Variants in DLG2 observed in about 807,000 individuals in gnomAD.
DLG2 encodes disks large homolog 2.
A neutral mutation model predicts 132.5 loss-of-function variants in DLG2; 45 were observed. That is an observed-to-expected ratio of 0.34 (90% CI 0.27 to 0.44). DLG2 has a LOEUF of 0.44. Ranked by LOEUF, DLG2 falls within the 20% of genes least tolerant of loss-of-function variation. DLG2 has a pLI of 1.00. For synonymous variants in DLG2, 424 were observed against 419.6 expected (o/e 1.01, Z -0.13); for missense variants, 1,045 against 1,196.9 (o/e 0.87, Z 1.87).
At chr11:83,506,002 G>A (rs1178550253) in intron 21 of DLG2, among the ~76,000 whole-genome samples, 1 of 152,090 alleles carries the variant, frequency 6.6e-6, no homozygotes, top group Non-Finnish European at 1.5e-5. Flanking sequence ...GTGCCTTCAG[G>A]ACCTACTTGA....
At chr11:85,337,776 C>G (rs1464841216) in intron 3 of DLG2, among the ~76,000 whole-genome samples, 2 of 152,138 alleles carry the variant, frequency 1.3e-5, no homozygotes, top group African/African-American at 4.8e-5. Flanking sequence ...GACAAAACTG[C>G]CTAATGACCC....
intron 6 of DLG2, among the ~76,000 whole-genome samples, chr11:84,630,948 T>C (rs942672126): frequency 2.7e-5 from 4 of 150,734 alleles, no homozygotes; most frequent in Admixed American, 1.3e-4. Context: ...GCCAATTCTA[T>C]GAACTTGGTC....
intron 5 of DLG2, among the ~76,000 whole-genome samples, chr11:85,137,193 AG>A (rs1354570365): frequency 6.6e-6 from 1 of 152,112 alleles, no homozygotes; most frequent in Non-Finnish European, 1.5e-5. Context: ...TACTGAAACT[AG>A]GTGCTTGCTA....
chr11:83,891,146 C>CATATG (rs932444524), intron 15 of DLG2, among the ~76,000 whole-genome samples: 1 of 151,956 alleles, frequency 6.6e-6, no homozygotes, highest in Non-Finnish European at 1.5e-5. Flanking sequence ...TGTATAGGTT[C>CATATG]ATATGAAGCC....
At chr11:84,487,702 C>G (rs1286817441) in intron 7 of DLG2, among the ~76,000 whole-genome samples, 1 of 152,000 alleles carries the variant, frequency 6.6e-6, no homozygotes, top group South Asian at 2.1e-4. Flanking sequence ...GATAACTATA[C>G]TGAGGTTCAG....
intron 7 of DLG2, among the ~76,000 whole-genome samples, chr11:84,434,569 C>T (rs1014060015): frequency 1.3e-5 from 2 of 152,024 alleles, no homozygotes; most frequent in Non-Finnish European, 2.9e-5. Context: ...TTTAATAGGG[C>T]TGTTGTGATA....
intron 3 of DLG2, among the ~76,000 whole-genome samples, chr11:85,498,539 A>C (rs2093721585): frequency 6.6e-6 from 1 of 152,154 alleles, no homozygotes; most frequent in Non-Finnish European, 1.5e-5. Context: ...AAAATTAACA[A>C]GGATATCCAG....
In DLG2 at chr11:84,552,412, C is replaced by T. The variant is rs148159762; in HGVS notation, c.358-17681G>A. ...CAGAGTAAGAGGAATGGATCACCTC[C>T]AATGTTTTGCACTTGTTACCTTCCA... On this transcript the variant is annotated intron_variant, in intron 6 of 27. Coordinates refer to ENST00000376104, the MANE Select transcript of DLG2 (RefSeq NM_001142699.3). 4.0e-3 allele frequency among the ~76,000 whole-genome samples: 611 copies of T among 152,258 alleles called. 2 individuals carry two copies. Among genetic ancestry groups the T allele is most frequent in the Non-Finnish European group, 6.8e-3 (462 of 68,028 alleles).
At chr11:83,947,211 A>C (rs570156591) in intron 14 of DLG2, among the ~76,000 whole-genome samples, 11 of 151,290 alleles carry the variant, frequency 7.3e-5, no homozygotes, top group Admixed American at 3.3e-4. Context: ...GGGGAATGCA[A>C]ATATTTGTGA....
At chr11:85,106,423 G>C (rs773540269) in intron 6 of DLG2, among the ~76,000 whole-genome samples, 1 of 151,898 alleles carries the variant, frequency 6.6e-6, no homozygotes, top group Non-Finnish European at 1.5e-5. Flanking sequence ...TGCTTTCAAA[G>C]TCTTAAAGAG....
chr11:84,714,642 TC>T (rs2060972841), intron 6 of DLG2, among the ~76,000 whole-genome samples: 173 of 141,828 alleles, frequency 1.2e-3, no homozygotes, highest in African/African-American at 2.7e-3. Flanking sequence ...TCTCTCTCTC[TC>T]TCTTTCTCTC....
intron 7 of DLG2, among the ~76,000 whole-genome samples, chr11:84,327,276 T>C (rs182706506): frequency 5.9e-5 from 9 of 152,084 alleles, no homozygotes; most frequent in African/African-American, 2.2e-4. Context: ...TAGAGACAGG[T>C]TTCACCATGT....
chr11:85,255,868 T>C (rs1045155174), intron 4 of DLG2, among the ~76,000 whole-genome samples: 15 of 152,180 alleles, frequency 9.9e-5, no homozygotes, highest in African/African-American at 3.4e-4. Flanking sequence ...AAAGAATATA[T>C]TGCAAATAAC....
chr11:84,564,774 C>T (rs993915150), intron 6 of DLG2, among the ~76,000 whole-genome samples: 14 of 152,156 alleles, frequency 9.2e-5, no homozygotes, highest in Non-Finnish European at 1.8e-4. Flanking sequence ...GATGTGAGTG[C>T]CTGGCTGCTG....
intron 2 of DLG2, among the ~76,000 whole-genome samples, chr11:85,610,744 T>TGG (rs2080937713): frequency 6.6e-6 from 1 of 151,964 alleles, no homozygotes; most frequent in Admixed American, 6.6e-5. Context: ...CAGCTTTGCC[T>TGG]ACAGCAGGTC....
chr11:85,245,128 G>A (rs1014769980), intron 4 of DLG2, among the ~76,000 whole-genome samples: 7 of 151,906 alleles, frequency 4.6e-5, no homozygotes, highest in Middle Eastern at 3.4e-3. Context: ...CAATATTGAA[G>A]ACTCCAGGAA....
chr11:84,726,595 G>C (rs772753382), intron 6 of DLG2, among the ~76,000 whole-genome samples: 1 of 152,136 alleles, frequency 6.6e-6, no homozygotes, highest in Non-Finnish European at 1.5e-5. Context: ...TGTCTTTATA[G>C]TAGAATGATT....
chr11:84,274,156 G>A (rs2097763352), intron 7 of DLG2, among the ~76,000 whole-genome samples: 1 of 152,090 alleles, frequency 6.6e-6, no homozygotes. Flanking sequence ...AGAATTTAGG[G>A]ACATATTCTC....
chr11:83,887,521 T>C (rs1029134862), intron 15 of DLG2, among the ~76,000 whole-genome samples: 1 of 152,018 alleles, frequency 6.6e-6, no homozygotes, highest in Non-Finnish European at 1.5e-5. Flanking sequence ...ACCAGAGGTA[T>C]AAGGAGGAAC....
Sources: gnomAD v4.1 joint callset for allele counts (sites outside exome capture counted in the v4.1 genomes callset) on GRCh38, gnomAD v4.1.1 for gene constraint, MANE v1.5 for transcripts, NCBI Gene and HGNC (gene_info 2026-07-23, HGNC 2026-07-21) for gene names.